The following MAF variants were observed in gnomAD, a reference collection of about 807,000 sequenced individuals.
MAF encodes transcription factor Maf.
MAF carries 10 observed loss-of-function variants against 22.0 expected under a neutral mutation model. The observed-to-expected ratio is 0.45, with a 90% confidence interval of 0.28 to 0.77. The LOEUF (loss-of-function observed/expected upper bound fraction) is 0.77. Among genes scored for constraint, MAF ranks in the 30% least tolerant of loss-of-function variants. The pLI, the probability that MAF is intolerant of heterozygous loss-of-function variation, is 0.12. For synonymous variants in MAF, 337 were observed against 255.8 expected (o/e 1.32, Z -3.03); for missense variants, 544 against 548.4 (o/e 0.99, Z 0.08).
chr16:79,517,638 G>T, the MAF span, among the ~76,000 whole-genome samples: 1 of 148,834 alleles, frequency 6.7e-6, no homozygotes, highest in African/African-American at 2.5e-5. Context: ...GCGATGGCAG[G>T]ATCTTGGCTC....
the MAF span, chr16:79,212,226 C>T: frequency 7.3e-7 from 1 of 1,377,126 alleles, no homozygotes; most frequent in Non-Finnish European, 9.6e-7. Flanking sequence ...CAAGTGTTCA[C>T]TGCTCCTTGC....
the MAF span, among the ~76,000 whole-genome samples, chr16:79,549,673 C>T: frequency 1.3e-5 from 2 of 152,114 alleles, no homozygotes; most frequent in Non-Finnish European, 2.9e-5. Flanking sequence ...TTTGTCTGTC[C>T]GAAGCCTGAC....
At chr16:79,586,369 G>C (rs1912841610) in intron 1 of MAF, among the ~76,000 whole-genome samples, 1 of 152,054 alleles carries the variant, frequency 6.6e-6, no homozygotes, top group African/African-American at 2.4e-5. Flanking sequence ...CACTGGCCCA[G>C]CTTCTGCCGG....
At chr16:79,325,925 C>T in the MAF span, among the ~76,000 whole-genome samples, 4 of 151,976 alleles carry the variant, frequency 2.6e-5, no homozygotes, top group Non-Finnish European at 5.9e-5. Flanking sequence ...GATCCCCACA[C>T]TCTGATCTTG....
chr16:79,491,341 A>T, the MAF span, among the ~76,000 whole-genome samples: 1 of 152,186 alleles, frequency 6.6e-6, no homozygotes, highest in Admixed American at 6.5e-5. Context: ...TTAGATGTGG[A>T]TAGAACCCTT....
the MAF span, among the ~76,000 whole-genome samples, chr16:79,533,865 T>C: frequency 6.6e-6 from 1 of 152,274 alleles, no homozygotes; most frequent in South Asian, 2.1e-4. Flanking sequence ...TCTGTTGCCA[T>C]CAAAACAATA....
At chr16:79,570,126 A>C in the MAF span, among the ~76,000 whole-genome samples, 2 of 151,896 alleles carry the variant, frequency 1.3e-5, no homozygotes, top group South Asian at 4.2e-4. Flanking sequence ...GAAAGCCATT[A>C]AATTGACAGG....
At chr16:79,537,886 T>G in the MAF span, among the ~76,000 whole-genome samples, 1 of 152,196 alleles carries the variant, frequency 6.6e-6, no homozygotes, top group Non-Finnish European at 1.5e-5. Context: ...CCTGGCTTGA[T>G]GTAGGTTCTC....
chr16:79,332,187 T>C, the MAF span, among the ~76,000 whole-genome samples: 2 of 152,188 alleles, frequency 1.3e-5, no homozygotes, highest in Non-Finnish European at 2.9e-5. Flanking sequence ...TGCGTACCAT[T>C]TACTAGGCAC....
the MAF span, among the ~76,000 whole-genome samples, chr16:79,448,689 T>A: frequency 1.3e-5 from 2 of 151,932 alleles, no homozygotes; most frequent in African/African-American, 4.8e-5. Context: ...CCTCCCAAAG[T>A]GCTGGGATTA....
chr16:79,242,354 G>A, the MAF span, among the ~76,000 whole-genome samples: 1 of 144,750 alleles, frequency 6.9e-6, no homozygotes, highest in Non-Finnish European at 1.5e-5. Context: ...CATTTACCAA[G>A]CAAATGGGAA....
the MAF span, among the ~76,000 whole-genome samples, chr16:79,449,175 G>A: frequency 5.9e-5 from 9 of 152,136 alleles, no homozygotes; most frequent in African/African-American, 1.2e-4. Context: ...TGCTGCCACC[G>A]ATCTGACAGG....
chr16:79,335,352 G>T, the MAF span, among the ~76,000 whole-genome samples: 1 of 151,906 alleles, frequency 6.6e-6, no homozygotes, highest in African/African-American at 2.4e-5. Flanking sequence ...TCGTACTATG[G>T]CCGACCAGCC....
At chr16:79,425,402 C>A in the MAF span, among the ~76,000 whole-genome samples, 5 of 152,140 alleles carry the variant, frequency 3.3e-5, no homozygotes, top group Non-Finnish European at 7.4e-5. Context: ...TGAAAACATC[C>A]GCAGAGATAA....
chr16:79,532,015 C>G, the MAF span, among the ~76,000 whole-genome samples: 13 of 152,244 alleles, frequency 8.5e-5, no homozygotes, highest in African/African-American at 2.9e-4. Context: ...ATAGGGAATA[C>G]CCAGTCCAGT....
chr16:79,255,385 G>C, the MAF span, among the ~76,000 whole-genome samples: 1 of 152,212 alleles, frequency 6.6e-6, no homozygotes, highest in African/African-American at 2.4e-5. Context: ...CGTTTTGGGA[G>C]ACAGCTACCT....
At chr16:79,272,422 G>A in the MAF span, among the ~76,000 whole-genome samples, 7 of 152,210 alleles carry the variant, frequency 4.6e-5, no homozygotes, top group Admixed American at 4.6e-4. Flanking sequence ...CCAGCCCCCT[G>A]GAGGCCCTGT....
chr16:79,274,220 G>T, the MAF span, among the ~76,000 whole-genome samples: 1 of 150,794 alleles, frequency 6.6e-6, no homozygotes. Context: ...CTCCCAAAGT[G>T]CCAGGATTAT....
chr16:79,364,846 T>C, the MAF span, among the ~76,000 whole-genome samples: 1 of 152,212 alleles, frequency 6.6e-6, no homozygotes, highest in East Asian at 1.9e-4. Context: ...GTTTAAACTC[T>C]TCTATAAATA....
Sources: gnomAD v4.1 joint callset for allele counts (sites outside exome capture counted in the v4.1 genomes callset) on GRCh38, gnomAD v4.1.1 for gene constraint, MANE v1.5 for transcripts, NCBI Gene and HGNC (gene_info 2026-07-23, HGNC 2026-07-21) for gene names.